Variants in SPINDOC observed in about 807,000 individuals in gnomAD.
The protein encoded by SPINDOC is spindlin interactor and repressor of chromatin-binding protein.
SPINDOC carries 13 observed loss-of-function variants against 30.7 expected under a neutral mutation model. That is an observed-to-expected ratio of 0.42 (90% CI 0.28 to 0.67). The LOEUF is 0.67. Ranked by LOEUF, SPINDOC falls within the 30% of genes least tolerant of loss-of-function variation. The pLI, the probability that SPINDOC is intolerant of heterozygous loss-of-function variation, is 0.22. For missense variants in SPINDOC, 438 were observed against 518.0 expected (o/e 0.85, Z 1.50); for synonymous variants, 228 against 211.4 (o/e 1.08, Z -0.68).
Position 63,818,578 on chromosome 11 carries a change from A to G in SPINDOC, c.659A>G (p.Lys220Arg). ...GNKKPRGQRWKEPPGEEPVRK... is the reference protein window; with the variant it reads ...GNKKPRGQRWREPPGEEPVRK... Reference sequence around the variant, plus strand: ...AAGAAGCCCCGTGGTCAGAGATGGAAGGAACCCCCAGGGGAAGAGCCAGTC... The same window carrying G: ...AAGAAGCCCCGTGGTCAGAGATGGAGGGAACCCCCAGGGGAAGAGCCAGTC... Residue 220 changes from lysine (K) to arginine (R), a missense_variant, in exon 4 of 6, where the codon AAG becomes AGG. Coordinates refer to ENST00000294244, the MANE Select transcript of SPINDOC (RefSeq NM_138471.3). This position sits in a 1 kb window ranked among gnomAD's most constrained non-coding sequence, Gnocchi z 5.3. 1 of 1,613,688 alleles carries G rather than the reference A, an allele frequency of 6.2e-7. No homozygotes were observed.
rs752004294 is a variant in SPINDOC, at chr11:63,818,040, C to T, written c.363C>T (p.Ser121=). The change falls in exon 2 of 6, where the codon AGC becomes AGT. Residue 121 remains serine (S), a synonymous_variant. Transcript: ENST00000294244. The surrounding 1 kb of genome is among the most constrained non-coding windows in gnomAD (Gnocchi z 5.3). ...LEQHPHTLDL[S]PSEKSNILEA... is the part of the protein sequence containing the mutation. ...AGCACCCTCACACCTTGGACCTGAGCCCTTCTGAGAAGAGCAATATCCTGG... is the reference window on the plus strand; with the variant it reads ...AGCACCCTCACACCTTGGACCTGAGTCCTTCTGAGAAGAGCAATATCCTGG... 1 of 1,614,188 alleles carries T rather than the reference C, an allele frequency of 6.2e-7. No individual in the cohort carries two copies. Among genetic ancestry groups the T allele is most frequent in the Non-Finnish European group, 8.5e-7 (1 of 1,180,034 alleles).
intron 5 of SPINDOC, chr11:63,822,668 G>T: frequency 1.6e-6 from 2 of 1,289,076 alleles, no homozygotes; most frequent in Non-Finnish European, 2.0e-6. Flanking sequence ...GGCTCCCTGA[G>T]ACCGAGTGTG....
At position 63,818,379 on chromosome 11, in the gene SPINDOC, G is replaced by A. The variant is rs780055707; in HGVS notation, c.607+14G>A. On this transcript the variant is annotated intron_variant, in intron 3 of 5. Transcript: ENST00000294244. This position sits in a 1 kb window ranked among gnomAD's most constrained non-coding sequence, Gnocchi z 5.3. ...TCGAGCTTCCTGGTTAGTCAACAGA[G>A]AAGCCAGTGAGCCCCGGTGGAGGTG... 11 of 1,612,964 alleles carry A rather than the reference G, an allele frequency of 6.8e-6. No individual in the cohort carries two copies. The East Asian group carries it at 2.2e-4, about 33-fold the overall frequency.
rs2015422753 is a variant in SPINDOC at position 63,818,777 on chromosome 11, A to G, written c.734-25A>G. On this transcript the variant is annotated intron_variant, in intron 4 of 5. Coordinates refer to ENST00000294244, the MANE Select transcript of SPINDOC (RefSeq NM_138471.3). The surrounding 1 kb of genome is among the most constrained non-coding windows in gnomAD (Gnocchi z 5.3). ...CAGCTCCTGAGGCTTTTTCACTCAC[A>G]GTTCCATCCCGTCCTCCCTTCCAGA... The G allele has an allele frequency of 6.2e-7, 1 of 1,613,224 alleles. No homozygotes were observed. Among genetic ancestry groups the G allele is most frequent in the Non-Finnish European group, 8.5e-7 (1 of 1,179,934 alleles).
At chr11:63,822,302 C>A (rs1381165041) in intron 5 of SPINDOC, among the ~76,000 whole-genome samples, 1 of 145,868 alleles carries the variant, frequency 6.9e-6, no homozygotes, top group Non-Finnish European at 1.5e-5. Context: ...TCTGATTGTA[C>A]TCCAATCAGA....
intron 5 of SPINDOC, among the ~76,000 whole-genome samples, chr11:63,824,413 C>T (rs1321786572): frequency 6.6e-6 from 1 of 152,172 alleles, no homozygotes; most frequent in Non-Finnish European, 1.5e-5. Flanking sequence ...CTTTCCCTTT[C>T]TAGAATGTAA....
At position 63,818,795 on chromosome 11, in the gene SPINDOC, C is replaced by T. The variant is rs78113693; in HGVS notation, c.734-7C>T. 27,543 of 1,613,686 alleles carry T rather than the reference C, an allele frequency of 0.017. 267 individuals are homozygous for T. Among genetic ancestry groups the T allele is most frequent in the Non-Finnish European group, 0.021 (24,434 of 1,180,014 alleles). ...CACTCACAGTTCCATCCCGTCCTCCCTTCCAGAGCCCCCATCGCCAGACTC... is the reference window on the plus strand; with the variant it reads ...CACTCACAGTTCCATCCCGTCCTCCTTTCCAGAGCCCCCATCGCCAGACTC... On this transcript the variant is annotated splice_polypyrimidine_tract_variant and splice_region_variant and intron_variant, in intron 4 of 5. Coordinates refer to ENST00000294244, the MANE Select transcript of SPINDOC (RefSeq NM_138471.3). This position sits in a 1 kb window ranked among gnomAD's most constrained non-coding sequence, Gnocchi z 5.3.
At chr11:63,820,901 A>AAAAAAAAC (rs1318161236) in intron 5 of SPINDOC, among the ~76,000 whole-genome samples, 2 of 149,140 alleles carry the variant, frequency 1.3e-5, no homozygotes, top group Non-Finnish European at 3.0e-5. Flanking sequence ...AAAAAAAAAA[A>AAAAAAAAC]AAAAAACAAC....
At chr11:63,820,124 G>A (rs1452397831) in intron 5 of SPINDOC, among the ~76,000 whole-genome samples, 2 of 152,144 alleles carry the variant, frequency 1.3e-5, no homozygotes, top group Non-Finnish European at 2.9e-5. Context: ...AAGGCAAGTC[G>A]TGGTGGCTCA....
At chr11:63,819,417 G>A (rs1218983388) in intron 5 of SPINDOC, among the ~76,000 whole-genome samples, 1 of 151,258 alleles carries the variant, frequency 6.6e-6, no homozygotes, top group African/African-American at 2.4e-5. Flanking sequence ...TCCCATGTTG[G>A]CCAGGTTGGT....
rs763514437 is a variant in SPINDOC, at chr11:63,818,156, G to A, written c.457+22G>A. 1.7e-5 allele frequency: 28 copies of A among 1,613,154 alleles called. No homozygotes were observed. Among genetic ancestry groups the A allele is most frequent in the Admixed American group, 8.3e-5 (5 of 59,986 alleles). On this transcript the variant is annotated intron_variant, in intron 2 of 5. Coordinates refer to ENST00000294244, the MANE Select transcript of SPINDOC (RefSeq NM_138471.3). The surrounding 1 kb of genome is among the most constrained non-coding windows in gnomAD (Gnocchi z 5.3). ...TCAGGTAGTTGGTCCTGGGGCTGGC[G>A]AAGGGAGAAGTCGGACTTGTTGGGG...
At chr11:63,815,167 A>T (rs2015306223) in intron 1 of SPINDOC, among the ~76,000 whole-genome samples, 2 of 152,228 alleles carry the variant, frequency 1.3e-5, no homozygotes, top group Non-Finnish European at 2.9e-5. Context: ...TATTTAATTG[A>T]ATATATCGAG....
chr11:63,817,193 A>G (rs920411031), intron 1 of SPINDOC, among the ~76,000 whole-genome samples: 2 of 149,144 alleles, frequency 1.3e-5, no homozygotes, highest in Admixed American at 1.3e-4. Flanking sequence ...TAAAAAAAAA[A>G]TTATTAGCCA....
At chr11:63,823,606 T>A (rs1307171414) in intron 5 of SPINDOC, among the ~76,000 whole-genome samples, 1 of 152,166 alleles carries the variant, frequency 6.6e-6, no homozygotes. Flanking sequence ...TTTCTTTTTT[T>A]TATTTTGGAG....
Position 63,818,097 on chromosome 11 carries a change from A to G in SPINDOC, c.420A>G (p.Gln140=), listed in dbSNP as rs2015394527. The G allele has an allele frequency of 6.2e-7, 1 of 1,614,076 alleles. No individual in the cohort carries two copies. Among genetic ancestry groups the G allele is most frequent in the Non-Finnish European group, 8.5e-7 (1 of 1,180,016 alleles). The stretch of plus-strand genomic sequence containing the variant: ...GGAGTGAAGGGGTGGCCCTCTTGCA[A>G]GACGTGAGAGCTGAGCAGCCGTCCC... ...EAWSEGVALL[Q]DVRAEQPSPP... is the part of the protein sequence containing the mutation. Residue 140 remains glutamine, a synonymous_variant, in exon 2 of 6, where the codon CAA becomes CAG. Transcript: ENST00000294244. The surrounding 1 kb of genome is among the most constrained non-coding windows in gnomAD (Gnocchi z 5.3).
intron 5 of SPINDOC, among the ~76,000 whole-genome samples, chr11:63,819,848 C>G (rs1165568075): frequency 6.6e-6 from 1 of 152,134 alleles, no homozygotes; most frequent in African/African-American, 2.4e-5. Flanking sequence ...TCACTGGGTC[C>G]GGGTAGGCCA....
intron 5 of SPINDOC, among the ~76,000 whole-genome samples, chr11:63,824,196 C>T (rs889883667): frequency 2.0e-5 from 3 of 152,216 alleles, no homozygotes; most frequent in Non-Finnish European, 2.9e-5. Context: ...AGGCATGAGC[C>T]ACTGCACCTG....
chr11:63,820,857 T>C (rs2015497109), intron 5 of SPINDOC, among the ~76,000 whole-genome samples: 1 of 118,200 alleles, frequency 8.5e-6, no homozygotes, highest in Non-Finnish European at 1.6e-5. Context: ...GCCACTGCAC[T>C]CCAGCCTGGG....
At chr11:63,813,986 G>A (rs2015269321) in intron 1 of SPINDOC, among the ~76,000 whole-genome samples, 173 bp downstream of exon 1, 1 of 152,190 alleles carries the variant, frequency 6.6e-6, no homozygotes, top group Non-Finnish European at 1.5e-5. Flanking sequence ...CCCCCACCAT[G>A]GTTTAGAAGC....
Sources: gnomAD v4.1 joint callset for allele counts (sites outside exome capture counted in the v4.1 genomes callset) on GRCh38, gnomAD v4.1.1 for gene constraint, Gnocchi (gnomAD v3.1) non-coding constraint, MANE v1.5 for transcripts, NCBI Gene and HGNC (gene_info 2026-07-23, HGNC 2026-07-21) for gene names.